PCBP3: variants seen among roughly 807,000 people sequenced by gnomAD.
The protein encoded by PCBP3 is poly(rC) binding protein 3, also known as poly(rC)-binding protein 3.
In PCBP3, 25 loss-of-function variants were observed where a neutral mutation model predicts 52.7. The observed-to-expected ratio is 0.47, with a 90% confidence interval of 0.35 to 0.66. The LOEUF (loss-of-function observed/expected upper bound fraction) is 0.66. Among genes scored for constraint, PCBP3 ranks in the 30% least tolerant of loss-of-function variants. PCBP3 has a pLI of 0.01. For missense variants in PCBP3, 391 were observed against 490.3 expected, an observed-to-expected ratio of 0.80 and a Z score of 1.91; for synonymous variants, 162 against 183.0, an observed-to-expected ratio of 0.89 and a Z score of 0.93.
intron 5 of PCBP3, among the ~76,000 whole-genome samples, chr21:45,881,577 TA>T (rs1336350993): frequency 6.6e-6 from 1 of 152,202 alleles, no homozygotes. Context: ...ACCCCATCTC[TA>T]TAAAGAATTT....
chr21:45,690,703 A>T (rs2082410822), intron 2 of PCBP3, among the ~76,000 whole-genome samples: 1 of 152,184 alleles, frequency 6.6e-6, no homozygotes, highest in Non-Finnish European at 1.5e-5. Context: ...TAATAAGCAT[A>T]TGAAAAAGAT....
At chr21:45,789,827 G>A (rs879708206) in intron 4 of PCBP3, among the ~76,000 whole-genome samples, 4 of 152,170 alleles carry the variant, frequency 2.6e-5, no homozygotes, top group Non-Finnish European at 4.4e-5. Flanking sequence ...TCGCCAAATC[G>A]CTCTGGTGTC....
At chr21:45,771,225 A>T (rs560133918) in intron 4 of PCBP3, among the ~76,000 whole-genome samples, 55 of 152,316 alleles carry the variant, frequency 3.6e-4, no homozygotes, top group South Asian at 4.1e-4. Flanking sequence ...TTGCATGTTT[A>T]TGTCCAGTAG....
chr21:45,889,139 G>A (rs377137001), intron 5 of PCBP3, among the ~76,000 whole-genome samples: 346 of 152,272 alleles, frequency 2.3e-3, no homozygotes, highest in African/African-American at 7.0e-3. Context: ...GGTCTGTTTC[G>A]TCTGTGGAGA....
intron 2 of PCBP3, among the ~76,000 whole-genome samples, chr21:45,728,356 TTC>T (rs1471863039): frequency 1.3e-5 from 2 of 152,220 alleles, no homozygotes; most frequent in African/African-American, 4.8e-5. Context: ...CATATGGTGT[TTC>T]TTTTTTGTTT....
intron 4 of PCBP3, among the ~76,000 whole-genome samples, chr21:45,843,736 A>G (rs542498898): frequency 6.6e-6 from 1 of 152,168 alleles, no homozygotes; most frequent in African/African-American, 2.4e-5. Flanking sequence ...TGTTCTGTGG[A>G]CTCCATGTTT....
chr21:45,832,431 A>C (rs1452949421), intron 4 of PCBP3, among the ~76,000 whole-genome samples: 1 of 152,188 alleles, frequency 6.6e-6, no homozygotes, highest in African/African-American at 2.4e-5. Context: ...GCAGCCCAAC[A>C]GGTCTCAGCC....
At chr21:45,923,501 G>A (rs113886280) in intron 13 of PCBP3, among the ~76,000 whole-genome samples, 229 of 152,300 alleles carry the variant, frequency 1.5e-3, no homozygotes, top group African/African-American at 4.8e-3. Context: ...CCAGTGGCAC[G>A]GCTCTCACAT....
intron 15 of PCBP3, among the ~76,000 whole-genome samples, chr21:45,932,071 A>G (rs1374635651): frequency 6.6e-6 from 1 of 151,960 alleles, no homozygotes; most frequent in East Asian, 1.9e-4. Flanking sequence ...AGATGAATGA[A>G]CACCTGGGCC....
intron 1 of PCBP3, among the ~76,000 whole-genome samples, chr21:45,658,276 T>A (rs548985622): frequency 3.3e-5 from 5 of 152,160 alleles, no homozygotes; most frequent in Non-Finnish European, 7.3e-5. Flanking sequence ...ATCCTTTTTA[T>A]ATATTGGTGG....
chr21:45,653,962 C>A (rs1270315552), intron 1 of PCBP3, among the ~76,000 whole-genome samples: 1 of 152,026 alleles, frequency 6.6e-6, no homozygotes, highest in African/African-American at 2.4e-5. Context: ...TGTAGTTATA[C>A]CTTTATCTTT....
chr21:45,854,550 G>T (rs952203916), intron 5 of PCBP3, among the ~76,000 whole-genome samples: 1 of 152,122 alleles, frequency 6.6e-6, no homozygotes, highest in Non-Finnish European at 1.5e-5. Flanking sequence ...TTAGTCTGCT[G>T]TCTTCAGGGT....
At chr21:45,655,248 A>C in intron 1 of PCBP3, among the ~76,000 whole-genome samples, 1 of 151,752 alleles carries the variant, frequency 6.6e-6, no homozygotes, top group East Asian at 1.9e-4. Context: ...TCATACAGTA[A>C]CTCTGTTTAA....
intron 5 of PCBP3, among the ~76,000 whole-genome samples, chr21:45,866,773 C>T (rs1054701575): frequency 6.6e-6 from 1 of 152,054 alleles, no homozygotes; most frequent in African/African-American, 2.4e-5. Flanking sequence ...GCTCCAGCAC[C>T]CCCTCCCCTC....
rs770281068 is a variant in PCBP3, at chr21:45,701,542, A to ATTAT, written c.-200+32600_-200+32603dup. ...ACCCATTATATAATAAAAACATTTT[A>ATTAT]TTATTTATTTATTGAGACAGTTTCA... On this transcript the variant is annotated intron_variant, in intron 2 of 17. Transcript: ENST00000681687. 1.4e-4 allele frequency among the ~76,000 whole-genome samples: 21 copies of ATTAT among 152,316 alleles called. No individual in the cohort carries two copies. In the South Asian group the frequency reaches 4.4e-3, roughly 32 times the overall value.
At chr21:45,823,628 TCCTGCAGGGCAGCTGTGG>T in intron 4 of PCBP3, among the ~76,000 whole-genome samples, 1 of 152,136 alleles carries the variant, frequency 6.6e-6, no homozygotes, top group Admixed American at 6.5e-5. Context: ...GCCGACGGGT[TCCTGCAGGGCAGCTGTGG>T]CAATTCAGGG....
chr21:45,814,129 A>G (rs943600122), intron 4 of PCBP3, among the ~76,000 whole-genome samples: 1 of 152,248 alleles, frequency 6.6e-6, no homozygotes, highest in Non-Finnish European at 1.5e-5. Flanking sequence ...GTTGTGACAC[A>G]GTGGCAATTG....
chr21:45,773,344 A>C (rs1315119253), intron 4 of PCBP3, among the ~76,000 whole-genome samples: 2 of 152,170 alleles, frequency 1.3e-5, no homozygotes, highest in African/African-American at 4.8e-5. Flanking sequence ...GTCGAATTTT[A>C]TTCTTCTGCA....
intron 1 of PCBP3, among the ~76,000 whole-genome samples, chr21:45,644,550 C>T (rs1370109289): frequency 2.0e-5 from 3 of 152,088 alleles, no homozygotes; most frequent in Non-Finnish European, 4.4e-5. Flanking sequence ...ATTCCCTCCG[C>T]GCCACTCTGA....
Sources: gnomAD v4.1 joint callset for allele counts (sites outside exome capture counted in the v4.1 genomes callset) on GRCh38, gnomAD v4.1.1 for gene constraint, MANE v1.5 for transcripts, NCBI Gene and HGNC (gene_info 2026-07-23, HGNC 2026-07-21) for gene names.